ASAP2: variants seen among roughly 807,000 people sequenced by gnomAD.
ASAP2 encodes the protein ArfGAP with SH3 domain, ankyrin repeat and PH domain 2.
In ASAP2, 45 loss-of-function variants were observed where a neutral mutation model predicts 131.4. That is an observed-to-expected ratio of 0.34 (90% CI 0.27 to 0.44). The LOEUF (loss-of-function observed/expected upper bound fraction) is 0.44, where lower values mean the gene tolerates loss of function less well. ASAP2 is among the 20% of genes least tolerant of loss of function. The probability of loss-of-function intolerance (pLI) is 1.00; values close to 1 mark genes in which losing one functional copy is unlikely to be tolerated. For missense variants in ASAP2, 1,011 were observed against 1,297.0 expected, an observed-to-expected ratio of 0.78 and a Z score of 3.39; for synonymous variants, 510 against 503.0, an observed-to-expected ratio of 1.01 and a Z score of -0.19.
intron 6 of ASAP2, 128 bp from the exon 7 acceptor site, chr2:9,327,698 T>C (rs1670568126): frequency 1.6e-6 from 1 of 607,708 alleles, no homozygotes; most frequent in Non-Finnish European, 2.8e-6. Flanking sequence ...ATACTAAGTG[T>C]CGATCATGCA....
rs979278579 is a variant in ASAP2 at position 9,235,475 on chromosome 2, C to T, written c.126+28245C>T. ...CAGATGTTGTTCATTCCAGCAGAGGCCGGATGTGTAAATCATCCTGCAGCA... is the reference window on the plus strand; with the variant it reads ...CAGATGTTGTTCATTCCAGCAGAGGTCGGATGTGTAAATCATCCTGCAGCA... On this transcript the variant is annotated intron_variant, in intron 1 of 27. Coordinates refer to ENST00000281419, the MANE Select transcript of ASAP2 (RefSeq NM_003887.3). 4.6e-5 allele frequency among the ~76,000 whole-genome samples: 7 copies of T among 152,316 alleles called. No individual in the cohort carries two copies. The East Asian group carries it at 1.2e-3, about 25-fold the overall frequency.
chr2:9,369,589 G>A (rs1489919988), intron 16 of ASAP2, among the ~76,000 whole-genome samples: 1 of 152,158 alleles, frequency 6.6e-6, no homozygotes, highest in African/African-American at 2.4e-5. Context: ...GAGGCTACTG[G>A]GCCAGTTAAC....
At chr2:9,360,509 T>C (rs1285493966) in intron 15 of ASAP2, among the ~76,000 whole-genome samples, 2 of 152,230 alleles carry the variant, frequency 1.3e-5, no homozygotes, top group Non-Finnish European at 2.9e-5. Context: ...ACATCTCTAC[T>C]GTCCTTCCCT....
chr2:9,380,737 T>C lies in ASAP2; in HGVS notation c.1949-4T>C, dbSNP rs746084799. ...CGCCTCCTTTGCTCGCCCTTGAATT[T>C]TAGCAAACGAGTCAGGAGAGACTCC... On this transcript the variant is annotated splice_polypyrimidine_tract_variant and splice_region_variant and intron_variant, in intron 19 of 27. Transcript: ENST00000281419. 1.6e-5 allele frequency: 26 copies of C among 1,614,066 alleles called. No homozygotes were observed. The highest frequency in any genetic ancestry group is 2.2e-5 in the Non-Finnish European group (26 of 1,180,038).
chr2:9,227,036 G>A (rs540545769), intron 1 of ASAP2, among the ~76,000 whole-genome samples: 19 of 152,270 alleles, frequency 1.2e-4, no homozygotes, highest in African/African-American at 4.6e-4. Context: ...CCTGCTCCCT[G>A]GCGAGAAGGA....
At chr2:9,245,989 G>C (rs1013170671) in intron 1 of ASAP2, among the ~76,000 whole-genome samples, 1 of 152,186 alleles carries the variant, frequency 6.6e-6, no homozygotes, top group Non-Finnish European at 1.5e-5. Flanking sequence ...GATGGGGATG[G>C]CTATCTAAGT....
At chr2:9,317,134 C>CT (rs368180584) in intron 3 of ASAP2, among the ~76,000 whole-genome samples, 1 of 1,348 alleles carries the variant, frequency 7.4e-4, no homozygotes, top group Non-Finnish European at 1.8e-3. Context: ...CCACACAACA[C>CT]ACATCCCAAT....
chr2:9,226,936 A>G (rs758065201), intron 1 of ASAP2, among the ~76,000 whole-genome samples: 3 of 152,246 alleles, frequency 2.0e-5, no homozygotes, highest in East Asian at 1.9e-4. Context: ...GGGGTGCACC[A>G]TGGGCCTGGG....
At chr2:9,233,826 G>A (rs190326164) in intron 1 of ASAP2, among the ~76,000 whole-genome samples, 2 of 152,184 alleles carry the variant, frequency 1.3e-5, no homozygotes, top group Admixed American at 6.5e-5. Flanking sequence ...GAAGAGGGGA[G>A]TGGGCTGGGC....
chr2:9,225,601 G>C (rs1662707149), intron 1 of ASAP2, among the ~76,000 whole-genome samples: 1 of 152,158 alleles, frequency 6.6e-6, no homozygotes, highest in Non-Finnish European at 1.5e-5. Flanking sequence ...TCAGAAGGTT[G>C]TGGGGAAATA....
chr2:9,249,788 C>T lies in ASAP2; in HGVS notation c.127-29529C>T, dbSNP rs149755759. The stretch of plus-strand genomic sequence containing the variant: ...TGCCACCCCCAGAGGAGGGCAGGGC[C>T]GTGTGGGGATACTGCAGAGGATGAC... On this transcript the variant is annotated intron_variant, in intron 1 of 27. Coordinates refer to ENST00000281419, the MANE Select transcript of ASAP2 (RefSeq NM_003887.3). Among the ~76,000 whole-genome samples the T allele has an allele frequency of 1.7e-4, 26 of 151,402 alleles. No individual in the cohort carries two copies. The East Asian group carries it at 3.3e-3, about 19-fold the overall frequency.
At position 9,323,158 on chromosome 2, in the gene ASAP2, C is replaced by G; in HGVS notation, c.508C>G (p.Leu170Val). The change falls in exon 6 of 28, where the codon CTC becomes GTC. Residue 170 changes from leucine (L) to valine (V), a missense_variant. Coordinates refer to ENST00000281419, the MANE Select transcript of ASAP2 (RefSeq NM_003887.3). ...AAAGGAGAAAAAGGAACACGCCAAG[C>G]TCCATGGGATGATTCGGACTGAAAT... ...IEKEKKEHAK[L>V]HGMIRTEISG... 6.2e-7 allele frequency: 1 copy of G among 1,614,226 alleles called. No homozygotes were observed. The highest frequency in any genetic ancestry group is 8.5e-7 in the Non-Finnish European group (1 of 1,180,032).
At chr2:9,209,703 G>A (rs1661395231) in intron 1 of ASAP2, among the ~76,000 whole-genome samples, 1 of 152,214 alleles carries the variant, frequency 6.6e-6, no homozygotes, top group Non-Finnish European at 1.5e-5. Flanking sequence ...CCAAGTAGCT[G>A]GGATTACAGG....
chr2:9,385,140 T>G, intron 20 of ASAP2, 105 bp from the exon 21 acceptor site: 1 of 771,708 alleles, frequency 1.3e-6, no homozygotes, highest in Non-Finnish European at 2.2e-6. Flanking sequence ...TTCCATGCAT[T>G]TGCCTTGGAC....
intron 6 of ASAP2, among the ~76,000 whole-genome samples, chr2:9,327,264 A>G (rs957217595): frequency 6.6e-6 from 1 of 152,082 alleles, no homozygotes; most frequent in Admixed American, 6.6e-5. Context: ...ATTTCCTGAC[A>G]CTGGTTTTGT....
chr2:9,275,023 CCTTTTA>C (rs1478398795), intron 1 of ASAP2, among the ~76,000 whole-genome samples: 1 of 150,694 alleles, frequency 6.6e-6, no homozygotes, highest in African/African-American at 2.4e-5. Flanking sequence ...CTGTGAGCAG[CCTTTTA>C]CATTGAAGTT....
At position 9,217,560 on chromosome 2, in the gene ASAP2, C is replaced by T. The variant is rs1340413091; in HGVS notation, c.126+10330C>T. ...GCCAGGCAGTCAGGATTGTCGGGAC[C>T]TCTTTCCCCAGCTTCTCAGAAGAAA... On this transcript the variant is annotated intron_variant, in intron 1 of 27. Transcript: ENST00000281419. This position sits in a 1 kb window ranked among gnomAD's most constrained non-coding sequence, Gnocchi z 4.0. 6.6e-6 allele frequency among the ~76,000 whole-genome samples: 1 copy of T among 152,244 alleles called. No homozygotes were observed. Among genetic ancestry groups the T allele is most frequent in the South Asian group, 2.1e-4 (1 of 4,820 alleles).
At chr2:9,242,676 C>A (rs1490986334) in intron 1 of ASAP2, among the ~76,000 whole-genome samples, 1 of 152,210 alleles carries the variant, frequency 6.6e-6, no homozygotes, top group Non-Finnish European at 1.5e-5. Context: ...AGGATGGATT[C>A]AAGGAGAGAA....
At chr2:9,210,669 C>T (rs1661469512) in intron 1 of ASAP2, among the ~76,000 whole-genome samples, 1 of 151,962 alleles carries the variant, frequency 6.6e-6, no homozygotes, top group Non-Finnish European at 1.5e-5. Flanking sequence ...ATTCTCCTGC[C>T]TCAGCCTCCC....
Sources: allele counts gnomAD v4.1 joint callset (sites outside exome capture counted in the v4.1 genomes callset), GRCh38; gene constraint gnomAD v4.1.1; non-coding constraint Gnocchi (gnomAD v3.1); transcripts MANE v1.5; gene names NCBI Gene and HGNC (gene_info 2026-07-23, HGNC 2026-07-21).